The following CACNA1C variants were observed in gnomAD, a reference collection of about 807,000 sequenced individuals.
CACNA1C encodes the protein calcium voltage-gated channel subunit alpha1 C.
Under a neutral mutation model 229.0 loss-of-function variants are expected in CACNA1C, and 30 were observed. The observed-to-expected ratio is 0.13, with a 90% CI of 0.10 to 0.18. The LOEUF is 0.18. Ranked by LOEUF, CACNA1C falls within the 10% of genes least tolerant of loss-of-function variation. CACNA1C has a pLI of 1.00. For synonymous variants in CACNA1C, 1,114 were observed against 1,132.5 expected, an observed-to-expected ratio of 0.98 and a Z score of 0.33; for missense variants, 1,658 against 2,845.0, an observed-to-expected ratio of 0.58 and a Z score of 9.49.
intron 3 of CACNA1C, among the ~76,000 whole-genome samples, chr12:2,331,478 GGTCGT>G (rs2096546754): frequency 6.6e-6 from 1 of 152,198 alleles, no homozygotes; most frequent in African/African-American, 2.4e-5. Flanking sequence ...AGAAGGACGA[GGTCGT>G]GTCAAAGGAC....
intron 3 of CACNA1C, among the ~76,000 whole-genome samples, chr12:2,230,208 G>A (rs957128496): frequency 2.0e-5 from 3 of 152,176 alleles, no homozygotes; most frequent in Non-Finnish European, 2.9e-5. Flanking sequence ...GAGCTCCGCA[G>A]CCCGGGGGGC....
At chr12:2,272,513 C>T (rs146324543) in intron 3 of CACNA1C, among the ~76,000 whole-genome samples, 4 of 152,210 alleles carry the variant, frequency 2.6e-5, no homozygotes, top group Non-Finnish European at 5.9e-5. Context: ...TATTCCAAAA[C>T]TGAAAACCTG....
intron 3 of CACNA1C, among the ~76,000 whole-genome samples, chr12:2,435,383 CTGTGCACCCCAAAGGCAGGGGA>C (rs1216167500): frequency 2.6e-5 from 4 of 152,238 alleles, no homozygotes; most frequent in Admixed American, 6.5e-5. Flanking sequence ...CTTGCCTGGA[CTGTGCACCCCAAAGGCAGGGGA>C]AGCATCTCCT....
intron 3 of CACNA1C, among the ~76,000 whole-genome samples, chr12:2,210,118 A>G (rs763021011): frequency 6.6e-6 from 1 of 152,258 alleles, no homozygotes; most frequent in Admixed American, 6.5e-5. Context: ...AAACAAATGT[A>G]TCTGTTGCAG....
chr12:2,099,163 A>G (rs2075414333), intron 1 of CACNA1C, among the ~76,000 whole-genome samples: 1 of 152,248 alleles, frequency 6.6e-6, no homozygotes, highest in African/African-American at 2.4e-5. Flanking sequence ...CAGATAGGAA[A>G]CAGAATGGTT....
chr12:2,598,465 G>A (rs187332971), intron 21 of CACNA1C, among the ~76,000 whole-genome samples: 5 of 152,340 alleles, frequency 3.3e-5, no homozygotes, highest in East Asian at 3.9e-4. Flanking sequence ...CTCAGGGAAC[G>A]TGTGCTCCTC....
intron 3 of CACNA1C, among the ~76,000 whole-genome samples, chr12:2,187,429 G>A (rs1296937441): frequency 6.6e-6 from 1 of 152,202 alleles, no homozygotes; most frequent in East Asian, 1.9e-4. Flanking sequence ...AGGTGGGGCG[G>A]TGGGCAGGAG....
At chr12:1,995,499 G>A (rs1436150907) in intron 1 of CACNA1C, among the ~76,000 whole-genome samples, 1 of 152,254 alleles carries the variant, frequency 6.6e-6, no homozygotes, top group East Asian at 1.9e-4. Flanking sequence ...CGGTTCTTGG[G>A]TACTCCACTG....
chr12:2,163,922 C>T (rs970634718), intron 3 of CACNA1C, among the ~76,000 whole-genome samples: 1 of 152,200 alleles, frequency 6.6e-6, no homozygotes, highest in Admixed American at 6.5e-5. Flanking sequence ...AAAAAGTTCA[C>T]GTTCCCGTGT....
rs2099568726 is a variant in CACNA1C at position 2,467,854 on chromosome 12, C to T, written c.757+10148C>T. 6.6e-6 allele frequency among the ~76,000 whole-genome samples: 1 copy of T among 152,226 alleles called. No individual in the cohort carries two copies. The highest frequency in any genetic ancestry group is 2.4e-5 in the African/African-American group (1 of 41,464). ...GCAGCTCAAGGCCCACTCAGAGTCC[C>T]GACCCTGCTGCGACTTCTCTGTTGC... On this transcript the variant is annotated intron_variant, in intron 5 of 46. Coordinates refer to ENST00000399655, the MANE Select transcript of CACNA1C (RefSeq NM_000719.7). This position sits in a 1 kb window ranked among gnomAD's most constrained non-coding sequence, Gnocchi z 4.6.
At chr12:2,584,369 C>A in intron 15 of CACNA1C, 134 bp from the exon 16 acceptor site, 1 of 638,144 alleles carries the variant, frequency 1.6e-6, no homozygotes, top group South Asian at 1.8e-5. Context: ...TGGGGTCTGA[C>A]TCCCTCAAAT....
chr12:2,385,753 G>T (rs1416820195), intron 3 of CACNA1C, among the ~76,000 whole-genome samples: 1 of 152,178 alleles, frequency 6.6e-6, no homozygotes, highest in East Asian at 1.9e-4. Context: ...CCTTAACATG[G>T]GCTACAAATA....
intron 1 of CACNA1C, among the ~76,000 whole-genome samples, chr12:2,031,403 G>A (rs1387763834): frequency 6.6e-6 from 1 of 152,238 alleles, no homozygotes; most frequent in Admixed American, 6.5e-5. Context: ...ACAAGTGGCA[G>A]CACGGTGAAT....
chr12:2,211,576 T>C (rs2097916383), intron 3 of CACNA1C, among the ~76,000 whole-genome samples: 1 of 151,868 alleles, frequency 6.6e-6, no homozygotes, highest in Non-Finnish European at 1.5e-5. Context: ...AGACTCTCCT[T>C]CTTCTAAGAG....
At chr12:2,115,075 C>T (rs1487695245) in intron 1 of CACNA1C, 149 bp from the exon 2 acceptor site, 2 of 647,074 alleles carry the variant, frequency 3.1e-6, no homozygotes, top group Middle Eastern at 3.0e-4. Flanking sequence ...CAGCATCTCA[C>T]ACTCATGTTT....
chr12:2,140,653 G>C (rs1444014648), intron 3 of CACNA1C, among the ~76,000 whole-genome samples: 1 of 151,402 alleles, frequency 6.6e-6, no homozygotes, highest in Admixed American at 6.6e-5. Flanking sequence ...CTGTGCATCT[G>C]TGGTCTTTTG....
chr12:2,576,145 T>C, intron 13 of CACNA1C, among the ~76,000 whole-genome samples: 1 of 152,070 alleles, frequency 6.6e-6, no homozygotes, highest in Non-Finnish European at 1.5e-5. Flanking sequence ...GAACTTGATG[T>C]GATGAAAAGC....
Position 2,566,273 on chromosome 12 carries a change from T to G in CACNA1C, c.1509-149T>G. 1.5e-6 allele frequency: 1 copy of G among 666,358 alleles called. No individual in the cohort carries two copies. The highest frequency in any genetic ancestry group is 4.1e-4 in the Middle Eastern group (1 of 2,414). The allele number at this position is 666,358 out of a possible 1,614,324, so 41.3% of individuals were successfully genotyped here. On this transcript the variant is annotated intron_variant, in intron 11 of 46. Coordinates refer to ENST00000399655, the MANE Select transcript of CACNA1C (RefSeq NM_000719.7). The surrounding 1 kb of genome is among the most constrained non-coding windows in gnomAD (Gnocchi z 4.0). Reference sequence around the variant, plus strand: ...AGGCGGCAGGGCCTGGTTAGCTGGATGAGAAGCTGGGCTCCTTGCCACCAG... The same window carrying G: ...AGGCGGCAGGGCCTGGTTAGCTGGAGGAGAAGCTGGGCTCCTTGCCACCAG...
Position 2,053,821 on chromosome 12 carries a change from C to T in CACNA1C, c.49+210C>T, listed in dbSNP as rs1361176252. Among the ~76,000 whole-genome samples the T allele has an allele frequency of 6.6e-6, 1 of 150,668 alleles. No individual in the cohort carries two copies. The highest frequency in any genetic ancestry group is 2.0e-4 in the East Asian group (1 of 5,068). On this transcript the variant is annotated intron_variant, in intron 1 of 46. Coordinates refer to ENST00000399655, the MANE Select transcript of CACNA1C (RefSeq NM_000719.7). This position sits in a 1 kb window ranked among gnomAD's most constrained non-coding sequence, Gnocchi z 5.8. Reference sequence around the variant, plus strand: ...CGCGAGACGGAGCGGAAAATTCCCGCCCCTCCCCCTCCGGGCCCCAGCTTC... The same window carrying T: ...CGCGAGACGGAGCGGAAAATTCCCGTCCCTCCCCCTCCGGGCCCCAGCTTC...
Sources: gnomAD v4.1 joint callset for allele counts (sites outside exome capture counted in the v4.1 genomes callset) on GRCh38, gnomAD v4.1.1 for gene constraint, Gnocchi (gnomAD v3.1) non-coding constraint, MANE v1.5 for transcripts, NCBI Gene and HGNC (gene_info 2026-07-23, HGNC 2026-07-21) for gene names.